The following KLRG1 variants were observed in gnomAD, a reference collection of about 807,000 sequenced individuals.
KLRG1 encodes killer cell lectin like receptor G1, also known as killer cell lectin-like receptor subfamily G member 1.
In KLRG1, 16 loss-of-function variants were observed where a neutral mutation model predicts 21.8. The observed-to-expected ratio is 0.73, with a 90% CI of 0.50 to 1.11. The LOEUF is 1.11. Among genes scored for constraint, KLRG1 ranks in the 50% most tolerant of loss-of-function variants. KLRG1 has a pLI of 0.00. For missense variants in KLRG1, 173 were observed against 218.3 expected (o/e 0.79, Z 1.31); for synonymous variants, 69 against 75.9 (o/e 0.91, Z 0.47).
chr12:9,169,818 G>A, the KLRG1 span: 566 of 385,984 alleles, frequency 1.5e-3, 2 homozygotes, highest in Non-Finnish European at 2.0e-3. Context: ...AAAATCTTAA[G>A]TTATGAAGGA....
chr12:9,125,256 A>G, the KLRG1 span, among the ~76,000 whole-genome samples: 2 of 152,210 alleles, frequency 1.3e-5, no homozygotes, highest in Admixed American at 1.3e-4. Flanking sequence ...GAGCTGTTCT[A>G]AAATTTAGTA....
the KLRG1 span, among the ~76,000 whole-genome samples, chr12:9,071,912 T>G: frequency 6.6e-6 from 1 of 152,226 alleles, no homozygotes; most frequent in Non-Finnish European, 1.5e-5. Flanking sequence ...TAAATATTGA[T>G]GCATATAAGT....
At chr12:9,182,060 C>T in the KLRG1 span, 27 of 1,613,640 alleles carry the variant, frequency 1.7e-5, no homozygotes, top group East Asian at 1.6e-4. Flanking sequence ...GATGAACATT[C>T]GTGCAATGGG....
chr12:9,111,955 A>T, the KLRG1 span: 1 of 736,984 alleles, frequency 1.4e-6, no homozygotes, highest in South Asian at 1.4e-5. Flanking sequence ...CAACTGACTG[A>T]GTACCAGCAC....
intron 1 of KLRG1, among the ~76,000 whole-genome samples, chr12:8,961,264 T>C (rs932719125): frequency 6.6e-6 from 1 of 152,178 alleles, no homozygotes; most frequent in African/African-American, 2.4e-5. Context: ...TAGCTAATAT[T>C]TGTGAAACTT....
chr12:9,074,587 A>C, the KLRG1 span: 1 of 1,613,066 alleles, frequency 6.2e-7, no homozygotes, highest in Non-Finnish European at 8.5e-7. Context: ...CGCCCTGGGC[A>C]TTCTGCTGCT....
At chr12:9,070,579 C>T in the KLRG1 span, 5 of 1,610,418 alleles carry the variant, frequency 3.1e-6, no homozygotes, top group Non-Finnish European at 4.2e-6. Flanking sequence ...CCCTGTGTAA[C>T]TGAGGATCCA....
At chr12:8,972,041 T>G (rs185599742) in intron 1 of KLRG1, among the ~76,000 whole-genome samples, 1 of 152,268 alleles carries the variant, frequency 6.6e-6, no homozygotes, top group Non-Finnish European at 1.5e-5. Flanking sequence ...TTACTTTTGT[T>G]GTCTGTGCTT....
the KLRG1 span, among the ~76,000 whole-genome samples, chr12:9,188,832 A>T: frequency 6.6e-6 from 1 of 152,332 alleles, no homozygotes; most frequent in East Asian, 1.9e-4. Context: ...GAGGTGAAAG[A>T]TCTATACAAT....
At chr12:9,168,986 T>C in the KLRG1 span, 1 of 1,582,870 alleles carries the variant, frequency 6.3e-7, no homozygotes, top group Non-Finnish European at 8.7e-7. Flanking sequence ...TGGAAAAAAA[T>C]AATTGTTCAA....
the KLRG1 span, chr12:9,202,700 T>C: frequency 6.2e-7 from 1 of 1,610,880 alleles, no homozygotes. Context: ...AAGCAAAGGA[T>C]TTTTTACTAC....
chr12:9,064,958 G>A, the KLRG1 span: 1 of 152,342 alleles, frequency 6.6e-6, no homozygotes, highest in East Asian at 1.9e-4. The surrounding 1 kb of genome is among the most constrained non-coding windows in gnomAD (Gnocchi z 4.0). Context: ...CGCCGAGCTA[G>A]ACGCGCCTGA....
the KLRG1 span, among the ~76,000 whole-genome samples, chr12:9,210,719 T>C: frequency 6.6e-6 from 1 of 152,220 alleles, no homozygotes; most frequent in East Asian, 1.9e-4. Flanking sequence ...TTTTATTTTA[T>C]ATAAAGAGTA....
Position 8,995,273 on chromosome 12 carries a change from G to C in KLRG1, c.342G>C (p.Thr114=), listed in dbSNP as rs763111871. The C allele has an allele frequency of 6.2e-7, 1 of 1,605,750 alleles. No homozygotes were observed. Among genetic ancestry groups the C allele is most frequent in the African/African-American group, 1.3e-5 (1 of 74,294 alleles). Residue 114 remains threonine, a synonymous_variant, in exon 3 of 5, where the codon ACG becomes ACC. Coordinates refer to ENST00000356986, the MANE Select transcript of KLRG1 (RefSeq NM_005810.4). ...LARDSHLLVI[T]DNQEMSLLQV... is the part of the protein sequence containing the mutation. ...GAGACTCACACCTCCTTGTGATAAC[G>C]GACAATCAGGAAATGGTAAATGCAA...
At chr12:9,205,404 G>T in the KLRG1 span, among the ~76,000 whole-genome samples, 1 of 152,284 alleles carries the variant, frequency 6.6e-6, no homozygotes, top group Admixed American at 6.5e-5. Context: ...CACATGACAA[G>T]AATTGTTAAG....
chr12:9,086,152 G>A, the KLRG1 span, among the ~76,000 whole-genome samples: 1 of 152,222 alleles, frequency 6.6e-6, no homozygotes, highest in South Asian at 2.1e-4. Context: ...TATGAGGCAA[G>A]CATTACCCTG....
At chr12:9,135,021 C>A in the KLRG1 span, 1 of 158,364 alleles carries the variant, frequency 6.3e-6, no homozygotes, top group South Asian at 1.9e-4. Context: ...GCTGAGGCAG[C>A]GCAGCCGAGC....
the KLRG1 span, among the ~76,000 whole-genome samples, chr12:9,147,202 C>G: frequency 6.6e-6 from 1 of 152,184 alleles, no homozygotes; most frequent in African/African-American, 2.4e-5. Flanking sequence ...ACTCTGCTGA[C>G]CAGGGAGAAG....
chr12:9,000,949 C>A (rs1214620054), intron 3 of KLRG1, among the ~76,000 whole-genome samples: 1 of 152,158 alleles, frequency 6.6e-6, no homozygotes. Flanking sequence ...AGGGAAAATT[C>A]TTATTGATAT....
Sources: allele counts gnomAD v4.1 joint callset (sites outside exome capture counted in the v4.1 genomes callset), GRCh38; gene constraint gnomAD v4.1.1; non-coding constraint Gnocchi (gnomAD v3.1); transcripts MANE v1.5; gene names NCBI Gene and HGNC (gene_info 2026-07-23, HGNC 2026-07-21).